FER: variants seen among roughly 807,000 people sequenced by gnomAD.
The protein encoded by FER is tyrosine-protein kinase Fer.
A neutral mutation model predicts 111.0 loss-of-function variants in FER; 63 were observed. The ratio of observed to expected loss-of-function variants is 0.57; its 90% CI spans 0.46 to 0.70. The LOEUF is 0.70. FER is among the 30% of genes least tolerant of loss of function. The pLI is 0.00. For synonymous variants in FER, 327 were observed against 313.9 expected, an observed-to-expected ratio of 1.04 and a Z score of -0.44; for missense variants, 914 against 954.0, an observed-to-expected ratio of 0.96 and a Z score of 0.55.
intron 13 of FER, among the ~76,000 whole-genome samples, chr5:109,025,752 T>G (rs1479439409): frequency 1.3e-5 from 2 of 151,994 alleles, no homozygotes; most frequent in Non-Finnish European, 2.9e-5. Flanking sequence ...ATATTGGCTG[T>G]GGGTTTGTCA....
rs150153665 is a variant in FER, at chr5:108,753,782, A to T, written c.-206+5782A>T. ...GTAAATACAGGGTTCTAATTCTTAA[A>T]GAACATACAGTTTAAATGGGCAGAC... On this transcript the variant is annotated intron_variant, in intron 1 of 19. Transcript: ENST00000281092. Among the ~76,000 whole-genome samples, 603 of 152,298 alleles carry T rather than the reference A, an allele frequency of 4.0e-3. 4 individuals carry two copies. The highest frequency in any genetic ancestry group is 0.014 in the African/African-American group (573 of 41,552).
intron 8 of FER, among the ~76,000 whole-genome samples, chr5:108,877,547 T>G (rs541571374): frequency 6.6e-6 from 1 of 152,240 alleles, no homozygotes; most frequent in East Asian, 1.9e-4. Context: ...TTGTCATCCA[T>G]AAAAATCCTA....
intron 13 of FER, among the ~76,000 whole-genome samples, chr5:109,022,634 A>G (rs1768085531): frequency 6.6e-6 from 1 of 152,126 alleles, no homozygotes; most frequent in Admixed American, 6.6e-5. Context: ...TAGAAATATT[A>G]CCTTGTGAGG....
intron 10 of FER, among the ~76,000 whole-genome samples, chr5:108,935,977 G>A (rs958378255): frequency 2.6e-5 from 4 of 151,952 alleles, no homozygotes; most frequent in South Asian, 2.1e-4. Flanking sequence ...GAGTCCTTGG[G>A]AAATATGAGG....
chr5:109,052,454 G>T, intron 16 of FER: 1 of 1,210,992 alleles, frequency 8.3e-7, no homozygotes, highest in Non-Finnish European at 1.2e-6. Flanking sequence ...CTCCAGTCAC[G>T]CATGTTGCCT....
At chr5:108,761,016 C>T (rs544750789) in intron 1 of FER, among the ~76,000 whole-genome samples, 50 of 151,898 alleles carry the variant, frequency 3.3e-4, no homozygotes, top group African/African-American at 9.4e-4. Context: ...CTGCAACTTC[C>T]GCCTCCTGGG....
At chr5:108,906,841 CT>C (rs1698750793) in intron 10 of FER, among the ~76,000 whole-genome samples, 1 of 151,950 alleles carries the variant, frequency 6.6e-6, no homozygotes, top group Non-Finnish European at 1.5e-5. Context: ...AACAATTCTC[CT>C]TTCTGCCATC....
intron 13 of FER, among the ~76,000 whole-genome samples, chr5:109,009,085 T>C (rs1178107695): frequency 6.8e-6 from 1 of 147,146 alleles, no homozygotes; most frequent in African/African-American, 2.5e-5. Context: ...TCTCACTCTG[T>C]TGTCTAGGCT....
intron 16 of FER, among the ~76,000 whole-genome samples, chr5:109,084,532 A>G (rs895794743): frequency 5.9e-5 from 9 of 151,908 alleles, no homozygotes; most frequent in African/African-American, 1.9e-4. Context: ...AAAATAGCCA[A>G]TTGTATGGTT....
intron 17 of FER, among the ~76,000 whole-genome samples, chr5:109,128,929 A>G (rs561840135): frequency 3.9e-5 from 6 of 152,128 alleles, no homozygotes; most frequent in Admixed American, 2.0e-4. Flanking sequence ...AAAACATTTT[A>G]TAAAGCTATA....
At chr5:109,161,162 A>G (rs569159028) in intron 17 of FER, among the ~76,000 whole-genome samples, 11 of 152,310 alleles carry the variant, frequency 7.2e-5, no homozygotes, top group South Asian at 2.1e-4. Flanking sequence ...TTCGTTGTTT[A>G]TAAAAGGTTC....
chr5:108,947,777 T>C (rs1757178537), intron 11 of FER, among the ~76,000 whole-genome samples: 1 of 148,910 alleles, frequency 6.7e-6, no homozygotes, highest in Non-Finnish European at 1.5e-5. Context: ...TAATTCATCT[T>C]TGTTTGTTTT....
At chr5:109,091,043 G>T (rs367646426) in intron 16 of FER, among the ~76,000 whole-genome samples, 14 of 152,308 alleles carry the variant, frequency 9.2e-5, no homozygotes, top group African/African-American at 3.1e-4. Flanking sequence ...AAAATTGTCA[G>T]CCTTACCATG....
chr5:108,840,992 G>A (rs1039653307), intron 5 of FER, among the ~76,000 whole-genome samples: 1 of 152,184 alleles, frequency 6.6e-6, no homozygotes. Context: ...CCCATCATTT[G>A]TAAAATGCCT....
chr5:108,762,076 A>G (rs62361302), intron 1 of FER, among the ~76,000 whole-genome samples: 2 of 151,788 alleles, frequency 1.3e-5, no homozygotes, highest in African/African-American at 4.8e-5. Context: ...ACACCTGGCT[A>G]ATTTTTTTTT....
rs1342564478 is a variant in FER at position 109,188,596 on chromosome 5, TTCTAAACA to T, written c.*1030_*1037del. The T allele has an allele frequency of 1.3e-5, 2 of 152,052 alleles. No homozygotes were observed. Among genetic ancestry groups the T allele is most frequent in the Non-Finnish European group, 2.9e-5 (2 of 68,004 alleles). 9.4% of individuals were successfully genotyped at this position (152,052 alleles called of 1,614,324 possible). Reference sequence around the variant, plus strand: ...AAACCACCTTATCAGAGTTATGCCTTTCTAAACATCTAAACAAACAAACATTCACATAT... The same window carrying T: ...AAACCACCTTATCAGAGTTATGCCTTTCTAAACAAACAAACATTCACATAT... On this transcript the variant is annotated 3_prime_UTR_variant, in exon 20 of 20. Transcript: ENST00000281092.
intron 3 of FER, among the ~76,000 whole-genome samples, chr5:108,804,542 C>T (rs574827803): frequency 5.3e-5 from 8 of 152,166 alleles, no homozygotes; most frequent in East Asian, 1.9e-4. Flanking sequence ...TATCATGAAG[C>T]GATGATGGAT....
intron 11 of FER, among the ~76,000 whole-genome samples, chr5:108,948,043 C>G (rs895855158): frequency 5.3e-5 from 8 of 151,930 alleles, no homozygotes; most frequent in Admixed American, 3.3e-4. Context: ...CTTTAAAATG[C>G]AACAACTATG....
At chr5:108,749,454 T>G (rs6871143) in intron 1 of FER, among the ~76,000 whole-genome samples, 84,639 of 151,696 alleles carry the variant, frequency 0.56, 25,110 homozygotes, top group African/African-American at 0.74. Context: ...GCCTGTACCC[T>G]CACCCCTTTT....
Sources: gnomAD v4.1 joint callset for allele counts (sites outside exome capture counted in the v4.1 genomes callset) on GRCh38, gnomAD v4.1.1 for gene constraint, MANE v1.5 for transcripts, NCBI Gene and HGNC (gene_info 2026-07-23, HGNC 2026-07-21) for gene names.